NMNAT3: variants seen among roughly 807,000 people sequenced by gnomAD.
The protein encoded by NMNAT3 is nicotinamide nucleotide adenylyltransferase 3.
In NMNAT3, 21 loss-of-function variants were observed where a neutral mutation model predicts 24.8. The observed-to-expected ratio is 0.85, with a 90% confidence interval of 0.60 to 1.22. NMNAT3 has a LOEUF of 1.22. Ranked by LOEUF, NMNAT3 falls within the 50% of genes most tolerant of loss-of-function variation. NMNAT3 has a pLI of 0.00. For synonymous variants in NMNAT3, 136 were observed against 155.2 expected, an observed-to-expected ratio of 0.88 and a Z score of 0.92; for missense variants, 387 against 436.6, an observed-to-expected ratio of 0.89 and a Z score of 1.01.
chr3:139,670,420 C>T (rs9844027), intron 1 of NMNAT3, among the ~76,000 whole-genome samples: 8,592 of 152,308 alleles, frequency 0.056, 330 homozygotes, highest in Non-Finnish European at 0.086. Context: ...AGGATTAAAG[C>T]CCAGATGCCC....
At chr3:139,661,101 T>A (rs1267275538) in intron 1 of NMNAT3, among the ~76,000 whole-genome samples, 1 of 152,160 alleles carries the variant, frequency 6.6e-6, no homozygotes, top group Non-Finnish European at 1.5e-5. Context: ...AAGCAATCTT[T>A]CAATGATCAG....
chr3:139,603,850 G>A (rs758344150), intron 3 of NMNAT3, among the ~76,000 whole-genome samples: 3 of 152,094 alleles, frequency 2.0e-5, no homozygotes, highest in Admixed American at 6.6e-5. Context: ...ACCCACTGTC[G>A]CCACTGTCCT....
chr3:139,674,755 C>G (rs1044546046), intron 1 of NMNAT3, among the ~76,000 whole-genome samples: 2 of 152,144 alleles, frequency 1.3e-5, no homozygotes, highest in African/African-American at 2.4e-5. Context: ...CCATGCCACC[C>G]TTCTGTGCCT....
intron 1 of NMNAT3, among the ~76,000 whole-genome samples, chr3:139,639,356 G>GT (rs2108350805): frequency 6.6e-6 from 1 of 152,338 alleles, no homozygotes; most frequent in African/African-American, 2.4e-5. Context: ...TGTCTTTCAA[G>GT]TAAGGCATTG....
At chr3:139,579,835 C>T (rs1356370646) in intron 4 of NMNAT3, among the ~76,000 whole-genome samples, 2 of 152,132 alleles carry the variant, frequency 1.3e-5, no homozygotes, top group Admixed American at 1.3e-4. Flanking sequence ...CATAAATGAA[C>T]ATTGAATTTT....
chr3:139,627,871 C>T lies in NMNAT3; in HGVS notation c.-40-107G>A. The T allele has an allele frequency of 1.0e-5, 5 of 481,884 alleles. 1 individual carries two copies. Among genetic ancestry groups the T allele is most frequent in the Middle Eastern group, 5.4e-4 (1 of 1,858 alleles). 29.9% of individuals were successfully genotyped at this position (481,884 alleles called of 1,614,324 possible). A position where few individuals can be genotyped will look rare whatever the true frequency, so the allele number is the denominator to read the frequency against. ...CCATTACTTCTCACTTGTAAGATGA[C>T]TGAGGAGGCCATTAAAACAACGTTT... On this transcript the variant is annotated intron_variant, in intron 2 of 6. Transcript: ENST00000643695.
At chr3:139,676,451 C>T (rs1268460237) in intron 1 of NMNAT3, among the ~76,000 whole-genome samples, 5 of 152,200 alleles carry the variant, frequency 3.3e-5, no homozygotes, top group African/African-American at 1.2e-4. Flanking sequence ...AGCTGAGAAC[C>T]ACCAATGAAA....
chr3:139,590,052 G>A (rs959964282), intron 3 of NMNAT3, among the ~76,000 whole-genome samples: 2 of 152,220 alleles, frequency 1.3e-5, no homozygotes, highest in Non-Finnish European at 2.9e-5. Context: ...TGGGTACAGA[G>A]AGCTGGATGT....
intron 1 of NMNAT3, among the ~76,000 whole-genome samples, chr3:139,658,841 A>G (rs949938643): frequency 2.0e-5 from 3 of 152,264 alleles, no homozygotes; most frequent in Non-Finnish European, 4.4e-5. Flanking sequence ...ATTTTAACAA[A>G]TCATGCACCG....
intron 3 of NMNAT3, among the ~76,000 whole-genome samples, chr3:139,614,148 A>AAT (rs2055369998): frequency 6.6e-6 from 1 of 152,104 alleles, no homozygotes; most frequent in South Asian, 2.1e-4. Flanking sequence ...ATAATAATAA[A>AAT]AAGAGATGCT....
chr3:139,656,994 T>C (rs2057266722), intron 1 of NMNAT3, among the ~76,000 whole-genome samples: 1 of 152,242 alleles, frequency 6.6e-6, no homozygotes, highest in Non-Finnish European at 1.5e-5. Context: ...ACTGTACCTG[T>C]AACTACACTT....
chr3:139,581,495 G>C (rs563742928), intron 4 of NMNAT3, among the ~76,000 whole-genome samples: 1 of 151,788 alleles, frequency 6.6e-6, no homozygotes, highest in African/African-American at 2.4e-5. Flanking sequence ...TCCATACAAC[G>C]AAATACTACT....
At chr3:139,590,689 T>C (rs913490212) in intron 3 of NMNAT3, among the ~76,000 whole-genome samples, 5 of 152,092 alleles carry the variant, frequency 3.3e-5, no homozygotes, top group African/African-American at 1.2e-4. Context: ...TAAAAATTAA[T>C]GCGTGCTGTA....
intron 5 of NMNAT3, among the ~76,000 whole-genome samples, chr3:139,578,126 C>A (rs540492937): frequency 6.6e-6 from 1 of 152,284 alleles, no homozygotes; most frequent in South Asian, 2.1e-4. Context: ...TCCCAACAGC[C>A]AGGAGAGGTG....
intron 1 of NMNAT3, among the ~76,000 whole-genome samples, chr3:139,656,430 A>C (rs528108992): frequency 2.0e-5 from 3 of 152,314 alleles, no homozygotes; most frequent in East Asian, 3.9e-4. Flanking sequence ...GTGACTGCTC[A>C]GTCCTGGGGA....
chr3:139,665,158 T>A (rs2057536538), intron 1 of NMNAT3, among the ~76,000 whole-genome samples: 1 of 152,182 alleles, frequency 6.6e-6, no homozygotes, highest in Non-Finnish European at 1.5e-5. Flanking sequence ...GGCTTCAGGC[T>A]GGAGTCTTCT....
At chr3:139,571,938 C>A (rs761955784) in intron 6 of NMNAT3, among the ~76,000 whole-genome samples, 1 of 152,338 alleles carries the variant, frequency 6.6e-6, no homozygotes, top group African/African-American at 2.4e-5. Flanking sequence ...CCAGTCTGCC[C>A]TAGTGGCATG....
chr3:139,617,509 CTGTTA>C (rs2055563579), intron 3 of NMNAT3, among the ~76,000 whole-genome samples: 1 of 152,136 alleles, frequency 6.6e-6, no homozygotes, highest in South Asian at 2.1e-4. Context: ...CCTGGTAGGG[CTGTTA>C]TGAAAATTAA....
In NMNAT3 at chr3:139,634,647, C is replaced by T. The variant is rs191672067; in HGVS notation, c.-41+3316G>A. ...GTGTAAGGATCCTCTGCCAGCCACC[C>T]CTTGGAGGAAACAAACATGTCAATT... On this transcript the variant is annotated intron_variant, in intron 2 of 6. Coordinates refer to ENST00000643695, the MANE Select transcript of NMNAT3 (RefSeq NM_001320510.2). The T allele has an allele frequency of 4.6e-5, 7 of 152,264 alleles. No individual in the cohort carries two copies. The East Asian group carries it at 1.4e-3, about 29-fold the overall frequency. 9.4% of individuals were successfully genotyped at this position (152,264 alleles called of 1,614,324 possible).
Sources: allele counts gnomAD v4.1 joint callset (sites outside exome capture counted in the v4.1 genomes callset), GRCh38; gene constraint gnomAD v4.1.1; transcripts MANE v1.5; gene names NCBI Gene and HGNC (gene_info 2026-07-23, HGNC 2026-07-21).